FBLN7: variants seen among roughly 807,000 people sequenced by gnomAD.
The protein encoded by FBLN7 is fibulin-7.
Under a neutral mutation model 44.0 loss-of-function variants are expected in FBLN7, and 31 were observed. That is an observed-to-expected ratio of 0.70 (90% CI 0.53 to 0.95). FBLN7 has a LOEUF of 0.95. FBLN7 is among the 40% of genes least tolerant of loss of function. The pLI is 0.00. For synonymous variants in FBLN7, 262 were observed against 253.4 expected (o/e 1.03, Z -0.32); for missense variants, 573 against 618.5 (o/e 0.93, Z 0.78).
chr2:112,167,869 C>CGTTATGTTATATTATTTATGTTATGTTAT (rs1682242603), intron 3 of FBLN7, among the ~76,000 whole-genome samples: 1 of 132,826 alleles, frequency 7.5e-6, no homozygotes, highest in African/African-American at 2.9e-5. Context: ...AGGAAAGACA[C>CGTTATGTTATATTATTTATGTTATGTTAT]GTTATGTTAT....
chr2:112,153,633 G>A (rs1383748937), intron 1 of FBLN7, among the ~76,000 whole-genome samples: 1 of 152,318 alleles, frequency 6.6e-6, no homozygotes, highest in South Asian at 2.1e-4. Flanking sequence ...TGGGATGAGA[G>A]GGGTCAGGCC....
chr2:112,181,863 C>T lies in FBLN7; in HGVS notation c.657C>T (p.Asp219=). 1 of 1,530,440 alleles carries T rather than the reference C, an allele frequency of 6.5e-7. No individual in the cohort carries two copies. The highest frequency in any genetic ancestry group is 8.7e-7 in the Non-Finnish European group (1 of 1,144,120). 94.8% of individuals were successfully genotyped at this position (1,530,440 alleles called of 1,614,324 possible). The part of the protein sequence containing the change: ...AGFHLSGAAG[D]SVCQDVNECE... ...TCCACCTGAGCGGCGCCGCCGGCGA[C>T]AGCGTCTGCCAGGGTAGGCGCGGGC... Residue 219 remains aspartate, a synonymous_variant, in exon 5 of 8, where the codon GAC becomes GAT. Transcript: ENST00000331203.
At position 112,181,840 on chromosome 2, in the gene FBLN7, C is replaced by T. The variant is rs1259504920; in HGVS notation, c.634C>T (p.His212Tyr). 1.3e-6 allele frequency: 2 copies of T among 1,525,770 alleles called. No individual in the cohort carries two copies. Among genetic ancestry groups the T allele is most frequent in the African/African-American group, 1.4e-5 (1 of 71,622 alleles). The allele number at this position is 1,525,770 out of a possible 1,614,324, so 94.5% of individuals were successfully genotyped here. ...AQHCSCEAGF[H>Y]LSGAAGDSVC... The stretch of plus-strand genomic sequence containing the variant: ...GCACTGCAGCTGCGAGGCCGGATTC[C>T]ACCTGAGCGGCGCCGCCGGCGACAG... Residue 212 changes from histidine (H) to tyrosine (Y), a missense_variant, in exon 5 of 8, where the codon CAC becomes TAC. His to Tyr is a moderately conservative substitution (Grantham distance 83). Transcript: ENST00000331203.
the FBLN7 span, among the ~76,000 whole-genome samples, chr2:112,195,759 G>A: frequency 6.6e-6 from 1 of 152,218 alleles, no homozygotes. Context: ...TGGCATCCCA[G>A]CTCCACAAGA....
chr2:112,138,931 C>G (rs1413204631), intron 1 of FBLN7, among the ~76,000 whole-genome samples: 10 of 116,024 alleles, frequency 8.6e-5, no homozygotes, highest in Non-Finnish European at 9.2e-5. Flanking sequence ...CCTCTCTCCA[C>G]GCCAGTGTCC....
chr2:112,211,033 C>T, the FBLN7 span, among the ~76,000 whole-genome samples: 1 of 152,178 alleles, frequency 6.6e-6, no homozygotes, highest in African/African-American at 2.4e-5. Context: ...CTGAAATCTC[C>T]ACTTCTTGTC....
intron 2 of FBLN7, 116 bp downstream of exon 2, chr2:112,159,951 T>C: frequency 1.3e-6 from 1 of 766,498 alleles, no homozygotes; most frequent in East Asian, 3.4e-5. Flanking sequence ...TCACCTTCCA[T>C]CTTCCAACTG....
chr2:112,234,657 G>C, the FBLN7 span, among the ~76,000 whole-genome samples: 1 of 152,198 alleles, frequency 6.6e-6, no homozygotes, highest in African/African-American at 2.4e-5. Flanking sequence ...AAAATTAGCT[G>C]GGAGTGGTGG....
chr2:112,232,056 G>T, the FBLN7 span: 1 of 549,944 alleles, frequency 1.8e-6, no homozygotes, highest in Non-Finnish European at 2.9e-6. Flanking sequence ...GGGCGAGGTG[G>T]CTCATGCCTG....
chr2:112,153,364 G>A (rs1681260198), intron 1 of FBLN7: 1 of 152,168 alleles, frequency 6.6e-6, no homozygotes, highest in Non-Finnish European at 1.5e-5. Flanking sequence ...AAACCAGCGT[G>A]GGAGACGGCC....
the FBLN7 span, chr2:112,236,622 C>A: frequency 1.2e-6 from 2 of 1,613,956 alleles, no homozygotes; most frequent in Non-Finnish European, 1.7e-6. Context: ...CAGGGCCAGG[C>A]CATTTTCGCT....
rs1558895844 is a variant in FBLN7 at position 112,182,947 on chromosome 2, T to C, written c.808+19T>C. 1 of 1,609,710 alleles carries C rather than the reference T, an allele frequency of 6.2e-7. No individual in the cohort carries two copies. The highest frequency in any genetic ancestry group is 1.3e-5 in the African/African-American group (1 of 74,930). On this transcript the variant is annotated intron_variant, in intron 6 of 7. Transcript: ENST00000331203. ...TGTGAGGGTGAGTGAGGCTACAGAG[T>C]GTCGTCTGCACCCAGCCACCTGCTG...
the FBLN7 span, among the ~76,000 whole-genome samples, chr2:112,239,579 C>CTTTTTTT: frequency 5.3e-3 from 460 of 86,468 alleles, 3 homozygotes; most frequent in Non-Finnish European, 7.9e-3. Flanking sequence ...TAACAGTTTA[C>CTTTTTTT]TTTTTTTTTT....
At chr2:112,153,824 C>T (rs1249010900) in intron 1 of FBLN7, among the ~76,000 whole-genome samples, 2 of 152,170 alleles carry the variant, frequency 1.3e-5, no homozygotes, top group Admixed American at 1.3e-4. Flanking sequence ...TCCGTGGACC[C>T]GCCGGAGTAA....
chr2:112,206,920 A>C, the FBLN7 span, among the ~76,000 whole-genome samples: 1 of 150,924 alleles, frequency 6.6e-6, no homozygotes, highest in African/African-American at 2.4e-5. Flanking sequence ...AATTGTAAAG[A>C]TGGGGTCTCA....
At chr2:112,225,076 C>T in the FBLN7 span, among the ~76,000 whole-genome samples, 1 of 152,118 alleles carries the variant, frequency 6.6e-6, no homozygotes, top group Non-Finnish European at 1.5e-5. Context: ...CATTTTGAGA[C>T]TGTTCACTGG....
chr2:112,150,336 CAG>C (rs144325284), intron 1 of FBLN7, among the ~76,000 whole-genome samples: 43 of 152,048 alleles, frequency 2.8e-4, no homozygotes, highest in African/African-American at 9.9e-4. Flanking sequence ...TGAACAAAAA[CAG>C]AGGACCACTG....
the FBLN7 span, among the ~76,000 whole-genome samples, chr2:112,203,272 G>A: frequency 6.6e-6 from 1 of 152,108 alleles, no homozygotes; most frequent in Non-Finnish European, 1.5e-5. Flanking sequence ...AATATTGAAG[G>A]TATGTCCCAA....
rs1683297905 is a variant in FBLN7 at position 112,186,989 on chromosome 2, C to A, written c.948-145C>A. On this transcript the variant is annotated intron_variant, in intron 7 of 7. Coordinates refer to ENST00000331203, the MANE Select transcript of FBLN7 (RefSeq NM_153214.3). Reference sequence around the variant, plus strand: ...ACCAGCTACATTCACTCGTCCACAGCTCCATAGCTCCTGGGTGAAGGACCC... The same window carrying A: ...ACCAGCTACATTCACTCGTCCACAGATCCATAGCTCCTGGGTGAAGGACCC... The A allele has an allele frequency of 3.1e-6, 3 of 955,934 alleles. No individual in the cohort carries two copies. In the South Asian group the frequency reaches 5.1e-5, roughly 16 times the overall value. 59.2% of individuals were successfully genotyped at this position (955,934 alleles called of 1,614,324 possible).
Sources: allele counts gnomAD v4.1 joint callset (sites outside exome capture counted in the v4.1 genomes callset), GRCh38; gene constraint gnomAD v4.1.1; transcripts MANE v1.5; gene names NCBI Gene and HGNC (gene_info 2026-07-23, HGNC 2026-07-21).